AKAP13: variants seen among roughly 807,000 people sequenced by gnomAD.
AKAP13 encodes A-kinase anchoring protein 13, also known as A-kinase anchor protein 13.
Under a neutral mutation model 264.5 loss-of-function variants are expected in AKAP13, and 80 were observed. That is an observed-to-expected ratio of 0.30 (90% CI 0.25 to 0.36). The LOEUF (loss-of-function observed/expected upper bound fraction) is 0.36. Among genes scored for constraint, AKAP13 ranks in the 10% least tolerant of loss-of-function variants. The probability of loss-of-function intolerance (pLI) is 1.00; values close to 1 mark genes in which losing one functional copy is unlikely to be tolerated. For synonymous variants in AKAP13, 1,380 were observed against 1,250.2 expected, an observed-to-expected ratio of 1.10 and a Z score of -2.19; for missense variants, 3,712 against 3,435.2, an observed-to-expected ratio of 1.08 and a Z score of -2.01.
intron 4 of AKAP13, among the ~76,000 whole-genome samples, chr15:85,542,344 G>A (rs1457732868): frequency 8.5e-5 from 13 of 152,126 alleles, no homozygotes; most frequent in Non-Finnish European, 1.5e-5. Context: ...TATACAATAT[G>A]AAAAATTGTG....
chr15:85,431,094 C>T (rs1172984684), intron 1 of AKAP13, among the ~76,000 whole-genome samples: 1 of 152,150 alleles, frequency 6.6e-6, no homozygotes, highest in African/African-American at 2.4e-5. Flanking sequence ...AAAATAATCG[C>T]TGCTGCATTG....
chr15:85,562,776 A>G (rs1345170070), intron 5 of AKAP13, among the ~76,000 whole-genome samples: 2 of 138,748 alleles, frequency 1.4e-5, no homozygotes, highest in African/African-American at 5.3e-5. Context: ...GCTCACTCCA[A>G]CCTCTGCCTC....
At chr15:85,512,633 T>A (rs528952834) in intron 2 of AKAP13, among the ~76,000 whole-genome samples, 1 of 152,206 alleles carries the variant, frequency 6.6e-6, no homozygotes, top group East Asian at 1.9e-4. Flanking sequence ...AGGCAAGATT[T>A]AAAAAATACT....
At chr15:85,585,924 A>G in intron 8 of AKAP13, 101 bp downstream of exon 8, 2 of 1,475,430 alleles carry the variant, frequency 1.4e-6, no homozygotes, top group East Asian at 4.6e-5. Flanking sequence ...TAAGTGGGCA[A>G]AATAGTATTT....
At chr15:85,611,163 T>C (rs560602584) in intron 8 of AKAP13, among the ~76,000 whole-genome samples, 5 of 152,376 alleles carry the variant, frequency 3.3e-5, no homozygotes, top group Admixed American at 1.3e-4. Context: ...CACTGTTTAC[T>C]ATCCTTTCTT....
intron 8 of AKAP13, among the ~76,000 whole-genome samples, chr15:85,604,014 G>A (rs370394799): frequency 6.6e-5 from 10 of 152,246 alleles, no homozygotes; most frequent in East Asian, 5.8e-4. Flanking sequence ...TATAATGTCT[G>A]ATGTGTGTTG....
chr15:85,566,936 C>T (rs764233419), intron 5 of AKAP13, among the ~76,000 whole-genome samples: 7 of 151,714 alleles, frequency 4.6e-5, no homozygotes, highest in Non-Finnish European at 1.0e-4. Context: ...CCGGAAATGA[C>T]TGACTTTATT....
At chr15:85,390,678 G>A (rs958478296) in intron 1 of AKAP13, among the ~76,000 whole-genome samples, 1 of 152,182 alleles carries the variant, frequency 6.6e-6, no homozygotes, top group African/African-American at 2.4e-5. Flanking sequence ...AGAGAAGATG[G>A]TGGCTTGGAT....
intron 13 of AKAP13, among the ~76,000 whole-genome samples, chr15:85,665,419 A>G (rs547479535): frequency 1.3e-5 from 2 of 152,194 alleles, no homozygotes; most frequent in African/African-American, 4.8e-5. Flanking sequence ...ACATATCCCA[A>G]GTTTCTCCTT....
rs1475837832 is a variant in AKAP13 at position 85,580,073 on chromosome 15, C to G, written c.2005C>G (p.Gln669Glu). 2 of 1,614,200 alleles carry G rather than the reference C, an allele frequency of 1.2e-6. No individual in the cohort carries two copies. Among genetic ancestry groups the G allele is most frequent in the Admixed American group, 3.3e-5 (2 of 60,028 alleles). Residue 669 changes from glutamine to glutamate, a missense_variant, in exon 7 of 37, where the codon CAG becomes GAG. This residue lies in a region of AKAP13 where 2,759 missense variants were observed against 2,411.7 expected (regional missense o/e 1.14). Transcript: ENST00000394518. ...ACTTTGTGCAGACTCTGCATGTCAA[C>G]AGAACACAGTGACTTCTAGTGGCGA... ...DKLCADSACQ[Q>E]NTVTSSGDLV...
intron 1 of AKAP13, among the ~76,000 whole-genome samples, chr15:85,396,897 T>A (rs987900654): frequency 6.8e-6 from 1 of 146,058 alleles, no homozygotes; most frequent in Admixed American, 7.0e-5. Flanking sequence ...TCTCGTATGT[T>A]AGACTTTTTT....
chr15:85,658,623 T>C (rs764653790), intron 12 of AKAP13, 33 bp downstream of exon 12: 63 of 1,584,246 alleles, frequency 4.0e-5, no homozygotes, highest in South Asian at 3.3e-4. Context: ...GGACTAACCA[T>C]GTCACCTCTG....
At chr15:85,719,447 C>A in intron 23 of AKAP13, 121 bp downstream of exon 23, 1 of 1,306,754 alleles carries the variant, frequency 7.7e-7, no homozygotes, top group Non-Finnish European at 1.0e-6. Flanking sequence ...GCTCAGGGAA[C>A]TTATTTAATT....
intron 1 of AKAP13, among the ~76,000 whole-genome samples, chr15:85,409,239 A>T (rs1567042862): frequency 6.6e-6 from 1 of 151,722 alleles, no homozygotes. Context: ...GTGCATAGGC[A>T]CGATCTCTGC....
At chr15:85,494,777 G>A (rs79665867) in intron 2 of AKAP13, among the ~76,000 whole-genome samples, 10,500 of 152,172 alleles carry the variant, frequency 0.069, 615 homozygotes, top group East Asian at 0.3. Flanking sequence ...TGTACAGGAG[G>A]CAGGTCCCTA....
intron 8 of AKAP13, among the ~76,000 whole-genome samples, chr15:85,629,764 C>G (rs1363822481): frequency 4.0e-5 from 2 of 50,504 alleles, no homozygotes; most frequent in Admixed American, 3.6e-4. Flanking sequence ...CCTTTACAGC[C>G]TTTTTTTTTT....
chr15:85,445,955 A>T (rs1451697069), intron 1 of AKAP13, among the ~76,000 whole-genome samples: 4 of 152,194 alleles, frequency 2.6e-5, no homozygotes, highest in Admixed American at 2.0e-4. Context: ...AGCATTTAAC[A>T]TTTGTGTTGG....
chr15:85,699,519 G>T (rs2085780929), intron 17 of AKAP13, among the ~76,000 whole-genome samples: 1 of 152,110 alleles, frequency 6.6e-6, no homozygotes, highest in Admixed American at 6.5e-5. Flanking sequence ...TGAAGAAAGA[G>T]AAATAAGGAG....
intron 5 of AKAP13, among the ~76,000 whole-genome samples, chr15:85,556,148 T>G (rs971177784): frequency 4.6e-5 from 7 of 152,206 alleles, no homozygotes; most frequent in Non-Finnish European, 8.8e-5. Flanking sequence ...ATTCATTAAG[T>G]CTCAGTTTCC....
Sources: gnomAD v4.1 joint callset for allele counts (sites outside exome capture counted in the v4.1 genomes callset) on GRCh38, gnomAD v4.1.1 for gene constraint, gnomAD v4.1.1 regional missense constraint, MANE v1.5 for transcripts, NCBI Gene and HGNC (gene_info 2026-07-23, HGNC 2026-07-21) for gene names.